Variants in THSD4 observed in about 807,000 individuals in gnomAD.
THSD4 encodes thrombospondin type 1 domain containing 4, also known as thrombospondin type-1 domain-containing protein 4.
THSD4 carries 69 observed loss-of-function variants against 119.0 expected under a neutral mutation model. That is an observed-to-expected ratio of 0.58 (90% CI 0.48 to 0.71). The LOEUF is 0.71. THSD4 is among the 30% of genes least tolerant of loss of function. The probability of loss-of-function intolerance (pLI) is 0.00; values close to 1 mark genes in which losing one functional copy is unlikely to be tolerated. For missense variants in THSD4, 1,393 were observed against 1,391.1 expected (o/e 1.00, Z -0.02); for synonymous variants, 524 against 540.4 (o/e 0.97, Z 0.42).
At chr15:71,526,538 G>A (rs2048521749) in intron 7 of THSD4, among the ~76,000 whole-genome samples, 1 of 152,044 alleles carries the variant, frequency 6.6e-6, no homozygotes, top group African/African-American at 2.4e-5. Flanking sequence ...AACTATTTCA[G>A]GAATAGTTGC....
intron 6 of THSD4, among the ~76,000 whole-genome samples, chr15:71,316,920 AT>A (rs1484734484): frequency 6.6e-6 from 1 of 152,210 alleles, no homozygotes; most frequent in African/African-American, 2.4e-5. Flanking sequence ...TGACATTTAT[AT>A]TTTCATGTGA....
At chr15:71,486,170 G>A (rs967810537) in intron 7 of THSD4, among the ~76,000 whole-genome samples, 15 of 151,982 alleles carry the variant, frequency 9.9e-5, no homozygotes, top group East Asian at 1.9e-4. Context: ...TCTCTTTCTC[G>A]GAGTCAGAGT....
chr15:71,326,016 C>T (rs891730211), intron 6 of THSD4, among the ~76,000 whole-genome samples: 1 of 152,114 alleles, frequency 6.6e-6, no homozygotes, highest in African/African-American at 2.4e-5. Flanking sequence ...ATGTTGCATT[C>T]GAGTAGAGCA....
intron 7 of THSD4, among the ~76,000 whole-genome samples, chr15:71,514,940 A>G (rs1433969612): frequency 6.6e-6 from 1 of 152,166 alleles, no homozygotes; most frequent in East Asian, 1.9e-4. Flanking sequence ...ACATATTTAA[A>G]TTGTTTCCAG....
At chr15:71,346,440 A>G (rs2045661438) in intron 6 of THSD4, among the ~76,000 whole-genome samples, 1 of 152,086 alleles carries the variant, frequency 6.6e-6, no homozygotes, top group Non-Finnish European at 1.5e-5. Context: ...TACCATTATT[A>G]TTTGCTTTGA....
rs568571818 is a variant in THSD4 at position 71,304,969 on chromosome 15, T to C, written c.1015+48254T>C. On this transcript the variant is annotated intron_variant, in intron 6 of 17. Coordinates refer to ENST00000261862, the MANE Select transcript of THSD4 (RefSeq NM_024817.3). The stretch of plus-strand genomic sequence containing the variant: ...CTATTTTTTGTTCTTGCCCAGGCAA[T>C]AAACACACGAGGCTTGTTTATAACA... Among the ~76,000 whole-genome samples, 11 of 152,312 alleles carry C rather than the reference T, an allele frequency of 7.2e-5. No individual in the cohort carries two copies. The East Asian group carries it at 1.5e-3, about 21-fold the overall frequency.
chr15:71,378,784 G>A (rs1350514158), intron 6 of THSD4, among the ~76,000 whole-genome samples: 1 of 152,056 alleles, frequency 6.6e-6, no homozygotes, highest in Non-Finnish European at 1.5e-5. Flanking sequence ...TGTCATTATT[G>A]TTTTTTGTTA....
intron 17 of THSD4, among the ~76,000 whole-genome samples, chr15:71,776,120 T>G (rs554976325): frequency 6.6e-6 from 1 of 152,338 alleles, no homozygotes; most frequent in East Asian, 1.9e-4. Flanking sequence ...ATTTTAAAAC[T>G]TTTAGAAGAG....
At chr15:71,386,350 A>G (rs2046292886) in intron 6 of THSD4, among the ~76,000 whole-genome samples, 1 of 152,196 alleles carries the variant, frequency 6.6e-6, no homozygotes, top group African/African-American at 2.4e-5. Flanking sequence ...GATTCAGCCA[A>G]GGGTTCCAGG....
intron 7 of THSD4, among the ~76,000 whole-genome samples, chr15:71,476,902 G>A (rs1365441901): frequency 1.3e-5 from 2 of 152,156 alleles, no homozygotes; most frequent in African/African-American, 4.8e-5. Flanking sequence ...TCAGTTATCT[G>A]GGCCGACATA....
chr15:71,386,815 A>G (rs936440696), intron 6 of THSD4, among the ~76,000 whole-genome samples: 1 of 152,342 alleles, frequency 6.6e-6, no homozygotes, highest in Middle Eastern at 3.4e-3. Flanking sequence ...TTCCTAATTC[A>G]GAGGGTTAGC....
intron 6 of THSD4, among the ~76,000 whole-genome samples, chr15:71,333,064 G>A (rs1250090082): frequency 4.6e-5 from 7 of 151,404 alleles, no homozygotes; most frequent in African/African-American, 1.7e-4. Flanking sequence ...CCCCTTTTAG[G>A]CCTCCCTAAT....
chr15:71,704,960 G>C (rs751342598), intron 8 of THSD4, among the ~76,000 whole-genome samples: 1 of 152,178 alleles, frequency 6.6e-6, no homozygotes, highest in Non-Finnish European at 1.5e-5. Flanking sequence ...AGTCCACTTT[G>C]GGCCTTCAAA....
intron 8 of THSD4, among the ~76,000 whole-genome samples, chr15:71,682,900 CT>C (rs2051820418): frequency 2.1e-4 from 1 of 4,672 alleles, no homozygotes; most frequent in African/African-American, 5.0e-4. Flanking sequence ...TTCTTTCTTT[CT>C]TTCTTTCTTC....
Position 71,215,070 on chromosome 15 carries a change from G to GGAC in THSD4, c.140_142dup (p.Asp47dup), listed in dbSNP as rs1490726074. 2 of 1,299,966 alleles carry GGAC rather than the reference G, an allele frequency of 1.5e-6. No individual in the cohort carries two copies. The highest frequency in any genetic ancestry group is 6.3e-5 in the East Asian group (2 of 31,696). The allele number at this position is 1,299,966 out of a possible 1,614,324, so 80.5% of individuals were successfully genotyped here. On this transcript the variant is annotated inframe_insertion, in exon 4 of 18. Transcript: ENST00000261862. ...GGATGGCGGCGGAGGGCGCCCCCGA[G>GGAC]GACGACGGCGGCGGCGGCGCCCCGG...
At chr15:71,583,848 C>T (rs779157951) in intron 7 of THSD4, among the ~76,000 whole-genome samples, 2 of 152,164 alleles carry the variant, frequency 1.3e-5, no homozygotes, top group Non-Finnish European at 2.9e-5. Flanking sequence ...GGAAAAGATT[C>T]TATGTGCTCT....
intron 5 of THSD4, among the ~76,000 whole-genome samples, chr15:71,248,293 A>G (rs2044224632): frequency 6.6e-6 from 1 of 152,192 alleles, no homozygotes; most frequent in South Asian, 2.1e-4. Flanking sequence ...AAACAACAAC[A>G]ACAACAAAAA....
rs570341532 is a variant in THSD4, at chr15:71,397,912, G to T, written c.1016-13775G>T. 3.3e-5 allele frequency among the ~76,000 whole-genome samples: 5 copies of T among 152,306 alleles called. No homozygotes were observed. In the East Asian group the frequency reaches 9.6e-4, roughly 29 times the overall value. On this transcript the variant is annotated intron_variant, in intron 6 of 17. Transcript: ENST00000261862. ...AATGCAAGCACTCTAGCCAGGTTGGGTGTCATTATAATCAATTTAGGAAAT... is the reference window on the plus strand; with the variant it reads ...AATGCAAGCACTCTAGCCAGGTTGGTTGTCATTATAATCAATTTAGGAAAT...
At position 71,233,789 on chromosome 15, in the gene THSD4, A is replaced by G. The variant is rs372811727; in HGVS notation, c.465-8860A>G. On this transcript the variant is annotated intron_variant, in intron 4 of 17. Coordinates refer to ENST00000261862, the MANE Select transcript of THSD4 (RefSeq NM_024817.3). Reference sequence around the variant, plus strand: ...ATGTGGTTCATGAGCCTCTGCTTCTATTGCTGAAGGAAAACTTTGCCAATT... The same window carrying G: ...ATGTGGTTCATGAGCCTCTGCTTCTGTTGCTGAAGGAAAACTTTGCCAATT... Among the ~76,000 whole-genome samples the G allele has an allele frequency of 3.9e-5, 6 of 152,340 alleles. No homozygotes were observed. The East Asian group carries it at 5.8e-4, about 15-fold the overall frequency.
Sources: gnomAD v4.1 joint callset for allele counts (sites outside exome capture counted in the v4.1 genomes callset) on GRCh38, gnomAD v4.1.1 for gene constraint, MANE v1.5 for transcripts, NCBI Gene and HGNC (gene_info 2026-07-23, HGNC 2026-07-21) for gene names.